AFF4: variants seen among roughly 807,000 people sequenced by gnomAD.
The protein encoded by AFF4 is AF4/FMR2 family member 4.
Under a neutral mutation model 124.8 loss-of-function variants are expected in AFF4, and 13 were observed. That is an observed-to-expected ratio of 0.10 (90% CI 0.07 to 0.17). The LOEUF (loss-of-function observed/expected upper bound fraction) is 0.17. Ranked by LOEUF, AFF4 falls within the 10% of genes least tolerant of loss-of-function variation. The pLI, the probability that AFF4 is intolerant of heterozygous loss-of-function variation, is 1.00. For missense variants in AFF4, 1,092 were observed against 1,403.8 expected (o/e 0.78, Z 3.55); for synonymous variants, 477 against 496.1 (o/e 0.96, Z 0.51).
Position 132,889,160 on chromosome 5 carries a change from C to T in AFF4, c.2651G>A (p.Ser884Asn). 1.2e-6 allele frequency: 2 copies of T among 1,613,476 alleles called. No individual in the cohort carries two copies. The highest frequency in any genetic ancestry group is 1.7e-6 in the Non-Finnish European group (2 of 1,179,542). ...AGATGGAGGACAGTTAGAGGAGCTA[C>T]TTGGAGCCTTTTCCTGACCAAAAAA... ...SSKEVKEKAP[S>N]SSSNCPPSAP... Residue 884 changes from serine (S) to asparagine (N), a missense_variant, in exon 14 of 21, where the codon AGT becomes AAT. Physicochemically the swap from Ser to Asn is conservative, Grantham distance 46 (BLOSUM62 1). This residue lies in a region of AFF4 where 293 missense variants were observed against 280.2 expected (regional missense o/e 1.05). Transcript: ENST00000265343.
At chr5:132,904,288 G>A in intron 6 of AFF4, 80 bp downstream of exon 6, 4 of 1,217,140 alleles carry the variant, frequency 3.3e-6, no homozygotes, top group Non-Finnish European at 4.7e-6. Context: ...TATTACTAAA[G>A]TTATATATGG....
chr5:132,907,729 A>G (rs1017107084), intron 5 of AFF4, among the ~76,000 whole-genome samples: 9 of 151,726 alleles, frequency 5.9e-5, no homozygotes, highest in Non-Finnish European at 5.9e-5. Context: ...TAAACTGGGA[A>G]AGGAAGAGAT....
chr5:132,950,293 T>C (rs548389811), intron 1 of AFF4, among the ~76,000 whole-genome samples: 33 of 151,872 alleles, frequency 2.2e-4, no homozygotes, highest in Non-Finnish European at 3.4e-4. Context: ...CTGACCAACA[T>C]GGAGAAACCC....
intron 1 of AFF4, among the ~76,000 whole-genome samples, chr5:132,946,933 T>C (rs890717352): frequency 1.3e-5 from 2 of 152,184 alleles, no homozygotes; most frequent in African/African-American, 4.8e-5. Flanking sequence ...GGCGTGCTCC[T>C]GTAGTCCCAG....
intron 17 of AFF4, 32 bp downstream of exon 17, chr5:132,887,489 A>G: frequency 6.4e-7 from 1 of 1,570,346 alleles, no homozygotes; most frequent in African/African-American, 1.4e-5. Context: ...AACTTCCTGT[A>G]TCTAGCAGAG....
At chr5:132,894,025 C>T (rs574995273) in intron 11 of AFF4, among the ~76,000 whole-genome samples, 13 of 152,290 alleles carry the variant, frequency 8.5e-5, no homozygotes. Context: ...TCATTTATGG[C>T]TGAATAGTAT....
At chr5:132,954,359 CA>C (rs1323509586) in intron 1 of AFF4, among the ~76,000 whole-genome samples, 2 of 152,110 alleles carry the variant, frequency 1.3e-5, no homozygotes, top group East Asian at 1.9e-4. Flanking sequence ...TGACTTGTGA[CA>C]GGGGTGGCTC....
rs754647577 is a variant in AFF4 at position 132,877,253 on chromosome 5, AC to A, written c.*3805del. 4.8e-5 allele frequency: 10 copies of A among 209,734 alleles called. No homozygotes were observed. Among genetic ancestry groups the A allele is most frequent in the Non-Finnish European group, 8.7e-5 (9 of 102,940 alleles). The allele number at this position is 209,734 out of a possible 1,614,324, so 13.0% of individuals were successfully genotyped here. A position where few individuals can be genotyped will look rare whatever the true frequency, so the allele number is the denominator to read the frequency against. ...ATGAGGCCATACTGTTCAATTAGCA[AC>A]TGGAAAATTAAAATCTTTCCCACCC... On this transcript the variant is annotated 3_prime_UTR_variant, in exon 21 of 21. Coordinates refer to ENST00000265343, the MANE Select transcript of AFF4 (RefSeq NM_014423.4).
intron 6 of AFF4, 72 bp downstream of exon 6, chr5:132,904,296 T>C: frequency 3.1e-6 from 4 of 1,297,704 alleles, no homozygotes; most frequent in African/African-American, 3.0e-5. Flanking sequence ...AAGTTATATA[T>C]GGTGTGACCA....
chr5:132,887,333 C>T (rs1760142392), intron 17 of AFF4, among the ~76,000 whole-genome samples, 188 bp downstream of exon 17: 1 of 152,212 alleles, frequency 6.6e-6, no homozygotes, highest in African/African-American at 2.4e-5. Context: ...GGAAATGGAT[C>T]AGAGACTGAC....
intron 5 of AFF4, among the ~76,000 whole-genome samples, chr5:132,925,214 G>T (rs76808519): frequency 4.0e-5 from 6 of 149,446 alleles, no homozygotes; most frequent in Non-Finnish European, 7.4e-5. Flanking sequence ...AATAAATACC[G>T]GTGCATTTTG....
At chr5:132,891,936 T>C (rs1760269030) in intron 13 of AFF4, 2 of 649,108 alleles carry the variant, frequency 3.1e-6, no homozygotes, top group Admixed American at 5.9e-5. Context: ...TATGAGCCAC[T>C]GTACCCAAGG....
At chr5:132,940,500 CA>C (rs530459056) in intron 1 of AFF4, among the ~76,000 whole-genome samples, 1 of 146,172 alleles carries the variant, frequency 6.8e-6, no homozygotes, top group Non-Finnish European at 1.5e-5. Flanking sequence ...GACTCCGTCT[CA>C]AAAAAAAATA....
chr5:132,949,209 C>CTTTTT (rs368713051), intron 1 of AFF4, among the ~76,000 whole-genome samples: 2 of 112,206 alleles, frequency 1.8e-5, no homozygotes, highest in African/African-American at 3.6e-5. Flanking sequence ...TTATTTCTGC[C>CTTTTT]TTTTTTTTTT....
intron 5 of AFF4, among the ~76,000 whole-genome samples, chr5:132,925,243 T>C (rs1339616670): frequency 6.6e-6 from 1 of 151,690 alleles, no homozygotes; most frequent in Non-Finnish European, 1.5e-5. Flanking sequence ...AACAAAGATA[T>C]AAAAGGTAAG....
chr5:132,895,349 C>T (rs148967915), intron 11 of AFF4, among the ~76,000 whole-genome samples: 7 of 152,292 alleles, frequency 4.6e-5, no homozygotes, highest in African/African-American at 1.2e-4. Context: ...ATCATCTGCA[C>T]GTGGCACTGT....
intron 5 of AFF4, among the ~76,000 whole-genome samples, chr5:132,919,126 T>A (rs1760982478): frequency 6.6e-6 from 1 of 152,126 alleles, no homozygotes; most frequent in Admixed American, 6.5e-5. Flanking sequence ...CCTTAGGTGA[T>A]CCACCCACCT....
chr5:132,886,062 G>A (rs1225375182), intron 18 of AFF4, among the ~76,000 whole-genome samples: 11 of 152,278 alleles, frequency 7.2e-5, no homozygotes, highest in Non-Finnish European at 8.8e-5. Context: ...GTGAGCCACC[G>A]AACCCGGCCG....
At chr5:132,886,727 A>C (rs1207675462) in intron 17 of AFF4, among the ~76,000 whole-genome samples, 2 of 152,252 alleles carry the variant, frequency 1.3e-5, no homozygotes, top group African/African-American at 4.8e-5. Context: ...AAACAATCTA[A>C]AATTAAAAAA....
Sources: gnomAD v4.1 joint callset for allele counts (sites outside exome capture counted in the v4.1 genomes callset) on GRCh38, gnomAD v4.1.1 for gene constraint, gnomAD v4.1.1 regional missense constraint, MANE v1.5 for transcripts, NCBI Gene and HGNC (gene_info 2026-07-23, HGNC 2026-07-21) for gene names.